Variants in ZDHHC3 observed in about 807,000 individuals in gnomAD.
The protein encoded by ZDHHC3 is palmitoyltransferase ZDHHC3.
ZDHHC3 carries 9 observed loss-of-function variants against 30.6 expected under a neutral mutation model. That is an observed-to-expected ratio of 0.29 (90% CI 0.18 to 0.51). ZDHHC3 has a LOEUF of 0.51. Ranked by LOEUF, ZDHHC3 falls within the 20% of genes least tolerant of loss-of-function variation. The pLI is 0.97. For synonymous variants in ZDHHC3, 136 were observed against 140.2 expected, an observed-to-expected ratio of 0.97 and a Z score of 0.21; for missense variants, 246 against 384.2, an observed-to-expected ratio of 0.64 and a Z score of 3.01.
chr3:44,937,256 C>G (rs183170586), intron 3 of ZDHHC3, among the ~76,000 whole-genome samples: 1 of 151,884 alleles, frequency 6.6e-6, no homozygotes, highest in Non-Finnish European at 1.5e-5. Context: ...ACAGCCTGGG[C>G]AGCATGGCGA....
At chr3:44,945,694 AT>A (rs1473736305) in intron 2 of ZDHHC3, among the ~76,000 whole-genome samples, 1 of 151,876 alleles carries the variant, frequency 6.6e-6, no homozygotes, top group Non-Finnish European at 1.5e-5. Flanking sequence ...AGTAGCTTGG[AT>A]TATAGGTGCT....
rs563455081 is a variant in ZDHHC3, at chr3:44,962,155, G to GT, written c.-24-2696dup. 4.7e-3 allele frequency among the ~76,000 whole-genome samples: 708 copies of GT among 151,894 alleles called. 5 individuals carry two copies. The highest frequency in any genetic ancestry group is 0.015 in the African/African-American group (610 of 41,376). On this transcript the variant is annotated intron_variant, in intron 1 of 6. Coordinates refer to ENST00000424952, the MANE Select transcript of ZDHHC3 (RefSeq NM_001135179.2). ...CATAACCTGTACACTCTATCAAACT[G>GT]TTTTTTTTATCATAAATGGTATGGT... is the stretch of plus-strand genomic sequence containing the variant.
intron 2 of ZDHHC3, among the ~76,000 whole-genome samples, chr3:44,949,337 A>AC: frequency 6.6e-6 from 1 of 152,156 alleles, no homozygotes; most frequent in African/African-American, 2.4e-5. Flanking sequence ...ATAAGAAAAA[A>AC]GAAAAAAAAT....
rs756028403 is a variant in ZDHHC3 at position 44,924,763 on chromosome 3, CTGTA to C, written c.*1922_*1925del. On this transcript the variant is annotated 3_prime_UTR_variant, in exon 7 of 7. Transcript: ENST00000424952. ...CACTTCTTTCATACACCTAACTGAG[CTGTA>C]TGTTATGAAAAAATTTTAAAAAAGC... 15 of 985,280 alleles carry C rather than the reference CTGTA, an allele frequency of 1.5e-5. No homozygotes were observed. Among genetic ancestry groups the C allele is most frequent in the Non-Finnish European group, 1.8e-5 (15 of 829,896 alleles). The allele number at this position is 985,280 out of a possible 1,614,324, so 61.0% of individuals were successfully genotyped here.
chr3:44,927,642 C>T (rs1026294704), intron 6 of ZDHHC3, among the ~76,000 whole-genome samples: 5 of 152,236 alleles, frequency 3.3e-5, no homozygotes, highest in African/African-American at 4.8e-5. Flanking sequence ...ACGGAGCCAG[C>T]GCTGCTTCCC....
Position 44,926,475 on chromosome 3 carries a change from C to T in ZDHHC3, c.*214G>A, listed in dbSNP as rs1559652068. ...TTTTAAAAGGAAAAGAGAGCAGCTT[C>T]GGTCACCAAAAGAAATCGAAAGGAT... On this transcript the variant is annotated 3_prime_UTR_variant, in exon 7 of 7. Coordinates refer to ENST00000424952, the MANE Select transcript of ZDHHC3 (RefSeq NM_001135179.2). The T allele has an allele frequency of 2.3e-6, 3 of 1,280,778 alleles. No homozygotes were observed. Among genetic ancestry groups the T allele is most frequent in the Middle Eastern group, 3.0e-4 (1 of 3,328 alleles). 79.3% of individuals were successfully genotyped at this position (1,280,778 alleles called of 1,614,324 possible).
intron 1 of ZDHHC3, among the ~76,000 whole-genome samples, chr3:44,962,907 G>C (rs1704607132): frequency 6.6e-6 from 1 of 152,198 alleles, no homozygotes; most frequent in Non-Finnish European, 1.5e-5. Context: ...ATTTGCAAAA[G>C]GGTAGTCATT....
Position 44,924,980 on chromosome 3 carries a change from A to C in ZDHHC3, c.*1709T>G. ...TGATTCAGGCTGCAGAAAGCAAAGG[A>C]AAGAGGCCTGGTGGGGCAAGCTGGT... On this transcript the variant is annotated 3_prime_UTR_variant, in exon 7 of 7. Coordinates refer to ENST00000424952, the MANE Select transcript of ZDHHC3 (RefSeq NM_001135179.2). 1 of 985,614 alleles carries C rather than the reference A, an allele frequency of 1.0e-6. No individual in the cohort carries two copies. The highest frequency in any genetic ancestry group is 1.2e-6 in the Non-Finnish European group (1 of 829,942). 61.1% of individuals were successfully genotyped at this position (985,614 alleles called of 1,614,324 possible).
At chr3:44,963,238 C>T (rs1453896015) in intron 1 of ZDHHC3, among the ~76,000 whole-genome samples, 1 of 152,166 alleles carries the variant, frequency 6.6e-6, no homozygotes, top group Non-Finnish European at 1.5e-5. Flanking sequence ...GCTCTGTTTT[C>T]CCATGACCCT....
intron 2 of ZDHHC3, among the ~76,000 whole-genome samples, chr3:44,958,281 C>G (rs958436499): frequency 2.6e-5 from 4 of 152,172 alleles, no homozygotes; most frequent in Non-Finnish European, 5.9e-5. Context: ...CAAGAACTAG[C>G]TCAGGCCCAT....
Position 44,921,682 on chromosome 3 carries a change from T to G in ZDHHC3, c.*5007A>C, listed in dbSNP as rs1252843748. On this transcript the variant is annotated 3_prime_UTR_variant, in exon 7 of 7. Coordinates refer to ENST00000424952, the MANE Select transcript of ZDHHC3 (RefSeq NM_001135179.2). The stretch of plus-strand genomic sequence containing the variant: ...CCTCATTTAATCCTTCCATTAACTT[T>G]GTGATTTAGATTATCATTCCCGTTT... 10 of 968,998 alleles carry G rather than the reference T, an allele frequency of 1.0e-5. No individual in the cohort carries two copies. The highest frequency in any genetic ancestry group is 1.2e-6 in the Non-Finnish European group (1 of 815,062). The allele number at this position is 968,998 out of a possible 1,614,324, so 60.0% of individuals were successfully genotyped here.
intron 3 of ZDHHC3, among the ~76,000 whole-genome samples, chr3:44,939,004 T>C (rs539766114): frequency 3.9e-5 from 6 of 152,114 alleles, no homozygotes; most frequent in African/African-American, 1.4e-4. Context: ...AAAGAATACA[T>C]GAGACAGATA....
At position 44,918,364 on chromosome 3, in the gene ZDHHC3, A is replaced by G; in HGVS notation, c.*8325T>C. On this transcript the variant is annotated 3_prime_UTR_variant, in exon 7 of 7. Coordinates refer to ENST00000424952, the MANE Select transcript of ZDHHC3 (RefSeq NM_001135179.2). ...TGTGGGTGGACAGCAGCGTGGAGGA[A>G]CACAGCAAGCAGGGCCCGCCTGGTG... 1 of 985,298 alleles carries G rather than the reference A, an allele frequency of 1.0e-6. No individual in the cohort carries two copies. The highest frequency in any genetic ancestry group is 4.7e-5 in the South Asian group (1 of 21,286). The allele number at this position is 985,298 out of a possible 1,614,324, so 61.0% of individuals were successfully genotyped here. A position where few individuals can be genotyped will look rare whatever the true frequency, so the allele number is the denominator to read the frequency against.
intron 1 of ZDHHC3, among the ~76,000 whole-genome samples, chr3:44,961,907 A>C (rs960156073): frequency 6.6e-6 from 1 of 152,250 alleles, no homozygotes; most frequent in South Asian, 2.1e-4. Flanking sequence ...CAAGAGTTGA[A>C]TAGCTGTAAC....
chr3:44,925,794 C>T lies in ZDHHC3; in HGVS notation c.*895G>A. 2.0e-6 allele frequency: 2 copies of T among 985,840 alleles called. No individual in the cohort carries two copies. The highest frequency in any genetic ancestry group is 2.4e-6 in the Non-Finnish European group (2 of 829,934). 61.1% of individuals were successfully genotyped at this position (985,840 alleles called of 1,614,324 possible). ...ATGGTGGGGCTGTATGTGTTGGGCA[C>T]TGGTGCCTATTGCAGTCAGAATTCA... On this transcript the variant is annotated 3_prime_UTR_variant, in exon 7 of 7. Transcript: ENST00000424952.
chr3:44,943,794 C>T (rs1407151680), intron 3 of ZDHHC3, among the ~76,000 whole-genome samples: 1 of 152,078 alleles, frequency 6.6e-6, no homozygotes, highest in Non-Finnish European at 1.5e-5. Context: ...TCACTTGAGC[C>T]CAGGAGTTCG....
At position 44,959,532 on chromosome 3, in the gene ZDHHC3, C is replaced by T; in HGVS notation, c.-24-72G>A. The T allele has an allele frequency of 7.2e-7, 1 of 1,392,862 alleles. No homozygotes were observed. Among genetic ancestry groups the T allele is most frequent in the South Asian group, 1.4e-5 (1 of 73,618 alleles). The allele number at this position is 1,392,862 out of a possible 1,614,324, so 86.3% of individuals were successfully genotyped here. The stretch of plus-strand genomic sequence containing the variant: ...TCAAGGAGGTTTGACAAAATTGCTC[C>T]CATAGTGAGTTGTGATTACTTATCT... On this transcript the variant is annotated intron_variant, in intron 1 of 6. Transcript: ENST00000424952. This position sits in a 1 kb window ranked among gnomAD's most constrained non-coding sequence, Gnocchi z 4.3.
intron 1 of ZDHHC3, among the ~76,000 whole-genome samples, chr3:44,971,030 T>C (rs1705360943): frequency 6.6e-6 from 1 of 152,340 alleles, no homozygotes; most frequent in East Asian, 1.9e-4. Flanking sequence ...CTTTCTACCA[T>C]AGATTGTTAT....
chr3:44,961,115 G>A lies in ZDHHC3; in HGVS notation c.-24-1655C>T, dbSNP rs551085114. Among the ~76,000 whole-genome samples, 15 of 152,348 alleles carry A rather than the reference G, an allele frequency of 9.8e-5. No individual in the cohort carries two copies. The South Asian group carries it at 2.5e-3, about 25-fold the overall frequency. ...TAGAGATAGAATAACCATCTCGGCC[G>A]GGCGCAGTGGCTCACGCCAGTAATC... On this transcript the variant is annotated intron_variant, in intron 1 of 6. Coordinates refer to ENST00000424952, the MANE Select transcript of ZDHHC3 (RefSeq NM_001135179.2).
Sources: allele counts gnomAD v4.1 joint callset (sites outside exome capture counted in the v4.1 genomes callset), GRCh38; gene constraint gnomAD v4.1.1; non-coding constraint Gnocchi (gnomAD v3.1); transcripts MANE v1.5; gene names NCBI Gene and HGNC (gene_info 2026-07-23, HGNC 2026-07-21).